The following NRP1 variants were observed in gnomAD, a reference collection of about 807,000 sequenced individuals.
The protein encoded by NRP1 is neuropilin 1.
NRP1 carries 35 observed loss-of-function variants against 106.7 expected under a neutral mutation model. The observed-to-expected ratio is 0.33, with a 90% CI of 0.25 to 0.43. The LOEUF (loss-of-function observed/expected upper bound fraction) is 0.43. NRP1 is among the 20% of genes least tolerant of loss of function. The pLI, the probability that NRP1 is intolerant of heterozygous loss-of-function variation, is 1.00. For missense variants in NRP1, 1,024 were observed against 1,170.4 expected (o/e 0.87, Z 1.83); for synonymous variants, 437 against 417.9 (o/e 1.05, Z -0.56).
At chr10:33,285,947 G>A (rs894131780) in intron 2 of NRP1, among the ~76,000 whole-genome samples, 2 of 152,194 alleles carry the variant, frequency 1.3e-5, no homozygotes, top group Non-Finnish European at 2.9e-5. Context: ...ACCCCCGGGT[G>A]AGTATTCCAA....
chr10:33,192,200 A>G (rs1338934454), intron 13 of NRP1, 81 bp downstream of exon 13: 1 of 1,491,886 alleles, frequency 6.7e-7, no homozygotes, highest in African/African-American at 1.4e-5. Flanking sequence ...ATTCACAGAC[A>G]TTAGAAACCC....
intron 13 of NRP1, among the ~76,000 whole-genome samples, chr10:33,191,977 CAAAA>C (rs58214479): frequency 4.2e-5 from 3 of 71,744 alleles, no homozygotes; most frequent in Admixed American, 2.0e-4. Context: ...GACTCCATTT[CAAAA>C]AAAAAAAAAA....
intron 6 of NRP1, among the ~76,000 whole-genome samples, chr10:33,247,344 A>G (rs916839023): frequency 1.3e-5 from 2 of 152,210 alleles, no homozygotes; most frequent in African/African-American, 2.4e-5. Context: ...TCCTGAAATC[A>G]GGTCTACGCC....
chr10:33,334,034 G>C (rs894902155), intron 1 of NRP1, among the ~76,000 whole-genome samples: 7 of 152,196 alleles, frequency 4.6e-5, no homozygotes, highest in African/African-American at 1.7e-4. Context: ...TTGGCATGCT[G>C]ATCTGGGAAG....
intron 15 of NRP1, among the ~76,000 whole-genome samples, chr10:33,183,337 A>T (rs1385641991): frequency 1.4e-5 from 2 of 138,002 alleles, no homozygotes; most frequent in Non-Finnish European, 3.2e-5. Context: ...AACAAATTTA[A>T]AAAAAAAAAA....
rs547278615 is a variant in NRP1 at position 33,330,079 on chromosome 10, T to C, written c.248+629A>G. On this transcript the variant is annotated intron_variant, in intron 2 of 16. Transcript: ENST00000374867. ...ACACTGATGTGTATTTGAGTTCCCA[T>C]TGTATTCATCGTGTCTTAACAATTA... 8.3e-4 allele frequency among the ~76,000 whole-genome samples: 126 copies of C among 152,358 alleles called. 1 individual carries two copies. The highest frequency in any genetic ancestry group is 1.6e-3 in the Non-Finnish European group (109 of 68,034).
At chr10:33,193,496 T>G (rs1052444344) in intron 12 of NRP1, among the ~76,000 whole-genome samples, 1 of 152,222 alleles carries the variant, frequency 6.6e-6, no homozygotes, top group Non-Finnish European at 1.5e-5. Context: ...GAAGGGCCTT[T>G]AGGCTTGTCA....
intron 10 of NRP1, among the ~76,000 whole-genome samples, chr10:33,204,979 G>A (rs1005777018): frequency 4.6e-5 from 7 of 152,116 alleles, no homozygotes; most frequent in Non-Finnish European, 5.9e-5. Context: ...TGATCTGCCC[G>A]CCTTGGCCTC....
intron 3 of NRP1, among the ~76,000 whole-genome samples, chr10:33,264,804 T>C (rs1450168372): frequency 6.6e-6 from 1 of 152,108 alleles, no homozygotes; most frequent in Admixed American, 6.6e-5. Flanking sequence ...CACTACACAA[T>C]TCAAAAACTG....
intron 13 of NRP1, among the ~76,000 whole-genome samples, chr10:33,187,368 T>A (rs1279682714): frequency 6.6e-6 from 1 of 152,212 alleles, no homozygotes; most frequent in African/African-American, 2.4e-5. Flanking sequence ...GTAATCTTTT[T>A]TTTTATACTT....
chr10:33,302,645 C>T (rs1845880643), intron 2 of NRP1, among the ~76,000 whole-genome samples: 1 of 152,120 alleles, frequency 6.6e-6, no homozygotes, highest in African/African-American at 2.4e-5. Context: ...GGAGGTAGGG[C>T]TTGGAGAAAC....
chr10:33,189,261 G>A (rs1330167641), intron 13 of NRP1, among the ~76,000 whole-genome samples: 1 of 152,120 alleles, frequency 6.6e-6, no homozygotes, highest in Non-Finnish European at 1.5e-5. Flanking sequence ...AGGCAAGGAG[G>A]TAGTTCCCAA....
At chr10:33,237,608 C>G (rs1277643068) in intron 6 of NRP1, among the ~76,000 whole-genome samples, 2 of 113,584 alleles carry the variant, frequency 1.8e-5, no homozygotes, top group African/African-American at 6.6e-5. Context: ...GAGATGGAGT[C>G]TGGCTCTGTT....
intron 13 of NRP1, among the ~76,000 whole-genome samples, chr10:33,190,684 T>C (rs913798113): frequency 6.6e-6 from 1 of 152,068 alleles, no homozygotes; most frequent in African/African-American, 2.4e-5. Flanking sequence ...TGGGGTACCT[T>C]TTGGGAAGCC....
chr10:33,194,600 T>A (rs1035880113), intron 12 of NRP1: 4 of 425,142 alleles, frequency 9.4e-6, no homozygotes, highest in African/African-American at 6.1e-5. Context: ...TCCTTCCCCA[T>A]CCTGTACATT....
intron 8 of NRP1, among the ~76,000 whole-genome samples, chr10:33,215,822 A>T (rs1049159092): frequency 1.3e-5 from 2 of 152,138 alleles, no homozygotes; most frequent in African/African-American, 4.8e-5. Flanking sequence ...GAAATTACGC[A>T]CGTCATTTTC....
chr10:33,319,588 CTTTTTTTT>C (rs35886672), intron 2 of NRP1, among the ~76,000 whole-genome samples: 1 of 115,618 alleles, frequency 8.6e-6, no homozygotes, highest in Non-Finnish European at 1.8e-5. Flanking sequence ...TTCTTTCTTT[CTTTTTTTT>C]TTTTTTTTGA....
chr10:33,191,556 GA>G (rs757242529), intron 13 of NRP1, among the ~76,000 whole-genome samples: 1 of 152,242 alleles, frequency 6.6e-6, no homozygotes, highest in Non-Finnish European at 1.5e-5. Context: ...AGGGATGACA[GA>G]CATAAATTAA....
At chr10:33,329,811 T>C (rs1045029304) in intron 2 of NRP1, among the ~76,000 whole-genome samples, 20 of 152,212 alleles carry the variant, frequency 1.3e-4, no homozygotes, top group African/African-American at 4.6e-4. Context: ...ACAGGGGGTC[T>C]GTTGGGTGTT....
Sources: allele counts gnomAD v4.1 joint callset (sites outside exome capture counted in the v4.1 genomes callset), GRCh38; gene constraint gnomAD v4.1.1; transcripts MANE v1.5; gene names NCBI Gene and HGNC (gene_info 2026-07-23, HGNC 2026-07-21).